The following CCDC13 variants were observed in gnomAD, a reference collection of about 807,000 sequenced individuals.
The protein encoded by CCDC13 is coiled-coil domain-containing protein 13.
In CCDC13, 70 loss-of-function variants were observed where a neutral mutation model predicts 87.3. The observed-to-expected ratio is 0.80, with a 90% CI of 0.66 to 0.98. The LOEUF (loss-of-function observed/expected upper bound fraction) is 0.98, where lower values mean the gene tolerates loss of function less well. Among genes scored for constraint, CCDC13 ranks in the 50% least tolerant of loss-of-function variants. The probability of loss-of-function intolerance (pLI) is 0.00; values close to 1 mark genes in which losing one functional copy is unlikely to be tolerated. For missense variants in CCDC13, 842 were observed against 892.0 expected (o/e 0.94, Z 0.71); for synonymous variants, 317 against 360.3 (o/e 0.88, Z 1.36).
intron 1 of CCDC13, among the ~76,000 whole-genome samples, chr3:42,771,770 A>G (rs201282715): frequency 4.4e-4 from 46 of 103,726 alleles, no homozygotes; most frequent in East Asian, 3.4e-3. Context: ...AGCAGCAGCA[A>G]CAACAACAAC....
chr3:42,726,360 C>T (rs1323522331), intron 13 of CCDC13, among the ~76,000 whole-genome samples: 1 of 151,866 alleles, frequency 6.6e-6, no homozygotes, highest in Non-Finnish European at 1.5e-5. Flanking sequence ...GAGCTTTTAC[C>T]GAAAAATACA....
chr3:42,716,559 T>C (rs1389046873), intron 13 of CCDC13, among the ~76,000 whole-genome samples: 1 of 152,212 alleles, frequency 6.6e-6, no homozygotes, highest in Non-Finnish European at 1.5e-5. Flanking sequence ...AAAGAAAATA[T>C]ACAAATGTCC....
At chr3:42,760,340 G>T (rs1376870326) in intron 1 of CCDC13, among the ~76,000 whole-genome samples, 1 of 151,168 alleles carries the variant, frequency 6.6e-6, no homozygotes, top group African/African-American at 2.4e-5. Flanking sequence ...AAATAGGCAG[G>T]GCACAGTGGC....
chr3:42,757,622 G>A (rs1699733985), intron 2 of CCDC13, among the ~76,000 whole-genome samples: 2 of 152,290 alleles, frequency 1.3e-5, no homozygotes, highest in South Asian at 4.1e-4. Flanking sequence ...AGAAGCTGAG[G>A]TGGAAGGATT....
At chr3:42,742,037 T>G (rs1252293040) in intron 8 of CCDC13, among the ~76,000 whole-genome samples, 2 of 152,260 alleles carry the variant, frequency 1.3e-5, no homozygotes. Context: ...ATGGCCTGCC[T>G]GCACCTCTTC....
intron 1 of CCDC13, among the ~76,000 whole-genome samples, chr3:42,764,434 T>C (rs1699894260): frequency 6.6e-6 from 1 of 152,238 alleles, no homozygotes; most frequent in African/African-American, 2.4e-5. Flanking sequence ...GCTGGGCCCA[T>C]CGTCCCACAC....
chr3:42,735,682 TG>T (rs1471689339), intron 10 of CCDC13, 24 bp downstream of exon 10: 1 of 1,608,400 alleles, frequency 6.2e-7, no homozygotes, highest in Non-Finnish European at 8.5e-7. Flanking sequence ...AAAATGGGTT[TG>T]GGCGCTGCCA....
chr3:42,742,265 G>C (rs1030531136), intron 8 of CCDC13, among the ~76,000 whole-genome samples: 1 of 152,118 alleles, frequency 6.6e-6, no homozygotes, highest in Non-Finnish European at 1.5e-5. Flanking sequence ...TGGAACTATT[G>C]GGAAAGAGAA....
intron 1 of CCDC13, among the ~76,000 whole-genome samples, chr3:42,760,232 A>G (rs546308814): frequency 6.6e-6 from 1 of 152,160 alleles, no homozygotes; most frequent in East Asian, 1.9e-4. Flanking sequence ...CAGAGGTTGC[A>G]GTGAGCTGAG....
At chr3:42,749,101 T>C (rs1362581787) in intron 5 of CCDC13, among the ~76,000 whole-genome samples, 1 of 152,152 alleles carries the variant, frequency 6.6e-6, no homozygotes, top group Admixed American at 6.5e-5. Context: ...TTCTTCCTCC[T>C]GTCTGGCCGC....
chr3:42,730,964 G>T (rs1418719302), intron 12 of CCDC13, among the ~76,000 whole-genome samples: 1 of 152,044 alleles, frequency 6.6e-6, no homozygotes, highest in Non-Finnish European at 1.5e-5. Flanking sequence ...GGTGTGCCCA[G>T]TCTCTGTGTC....
rs754010521 is a variant in CCDC13 at position 42,708,991 on chromosome 3, C to T, written c.2137G>A (p.Gly713Ser). Residue 713 changes from glycine (G) to serine (S), a missense_variant, in exon 16 of 16, where the codon GGC becomes AGC. By Grantham distance (56) the Gly-to-Ser change is moderately conservative (BLOSUM62 0). Coordinates refer to ENST00000310232, the MANE Select transcript of CCDC13 (RefSeq NM_144719.4). ...FLQALRQQKTGKQ is the reference protein window; with the variant it reads ...FLQALRQQKTSKQ The stretch of plus-strand genomic sequence containing the variant: ...ACTGGGCTGTCATCCTATTGCTTGC[C>T]TGTCTTCTGCTGCCGCAGGGCCTGC... 2.5e-6 allele frequency: 4 copies of T among 1,611,784 alleles called. No individual in the cohort carries two copies. The highest frequency in any genetic ancestry group is 3.4e-6 in the Non-Finnish European group (4 of 1,178,876).
Position 42,757,207 on chromosome 3 carries a change from C to G in CCDC13, c.229G>C (p.Glu77Gln). The G allele has an allele frequency of 6.2e-7, 1 of 1,613,818 alleles. No individual in the cohort carries two copies. Among genetic ancestry groups the G allele is most frequent in the Non-Finnish European group, 8.5e-7 (1 of 1,179,828 alleles). The change falls in exon 3 of 16, where the codon GAA becomes CAA. Residue 77 changes from glutamate to glutamine, a missense_variant. Coordinates refer to ENST00000310232, the MANE Select transcript of CCDC13 (RefSeq NM_144719.4). Reference sequence around the variant, plus strand: ...TTTCGAAGGTGTTCAATCTCATCTTCAAGCACCCTACAAGGCAAAGGCAGA... The same window carrying G: ...TTTCGAAGGTGTTCAATCTCATCTTGAAGCACCCTACAAGGCAAAGGCAGA... ...SKNSFEKRVL[E>Q]DEIEHLRNEL...
intron 1 of CCDC13, among the ~76,000 whole-genome samples, chr3:42,767,985 A>G (rs765088458): frequency 3.6e-4 from 54 of 152,104 alleles, no homozygotes; most frequent in Non-Finnish European, 7.1e-4. Flanking sequence ...AAAAAAAAAA[A>G]AAGACTTACT....
chr3:42,746,898 C>T (rs1699412495), intron 6 of CCDC13: 1 of 386,668 alleles, frequency 2.6e-6, no homozygotes, highest in Non-Finnish European at 4.9e-6. Context: ...GTAAGGGTGA[C>T]ATTAAGGGGA....
At chr3:42,746,112 A>G (rs1699388620) in intron 6 of CCDC13, 85 bp from the exon 7 acceptor site, 2 of 1,003,796 alleles carry the variant, frequency 2.0e-6, no homozygotes, top group Middle Eastern at 2.8e-4. Context: ...AAGCATATTC[A>G]GAAGCAGTCT....
At chr3:42,753,856 G>A (rs1699644296) in intron 3 of CCDC13, among the ~76,000 whole-genome samples, 3 of 152,210 alleles carry the variant, frequency 2.0e-5, no homozygotes, top group Admixed American at 1.3e-4. Flanking sequence ...GTAGCTGGAA[G>A]GCTACTTGCA....
At chr3:42,758,062 TACAC>T (rs3076826) in intron 2 of CCDC13, 59 bp downstream of exon 2, 30,254 of 989,824 alleles carry the variant, frequency 0.031, 6 homozygotes, top group East Asian at 0.064. Context: ...GCTCCGGTGG[TACAC>T]ACACACACAC....
intron 13 of CCDC13, among the ~76,000 whole-genome samples, chr3:42,714,889 A>G (rs1182761868): frequency 1.3e-5 from 2 of 152,268 alleles, no homozygotes; most frequent in East Asian, 3.8e-4. Context: ...TCAGGGGACA[A>G]ACAAGTAAGT....
Sources: allele counts gnomAD v4.1 joint callset (sites outside exome capture counted in the v4.1 genomes callset), GRCh38; gene constraint gnomAD v4.1.1; transcripts MANE v1.5; gene names NCBI Gene and HGNC (gene_info 2026-07-23, HGNC 2026-07-21).